Variants in LOXHD1 observed in about 807,000 individuals in gnomAD.
LOXHD1 encodes the protein lipoxygenase homology PLAT domains 1.
Under a neutral mutation model 248.2 loss-of-function variants are expected in LOXHD1, and 205 were observed. The ratio of observed to expected loss-of-function variants is 0.83; its 90% CI spans 0.74 to 0.93. The LOEUF is 0.93. Among genes scored for constraint, LOXHD1 ranks in the 40% least tolerant of loss-of-function variants. LOXHD1 has a pLI of 0.00. For synonymous variants in LOXHD1, 1,113 were observed against 1,162.8 expected (o/e 0.96, Z 0.87); for missense variants, 2,930 against 2,971.6 (o/e 0.99, Z 0.33).
Position 46,534,438 on chromosome 18 carries a change from C to A in LOXHD1, c.4109G>T (p.Gly1370Val). The A allele has an allele frequency of 6.4e-7, 1 of 1,551,346 alleles. No homozygotes were observed. The highest frequency in any genetic ancestry group is 8.7e-7 in the Non-Finnish European group (1 of 1,146,626). Residue 1370 changes from glycine to valine, a missense_variant, in exon 27 of 41, where the codon GGA becomes GTA. Coordinates refer to ENST00000642948, the MANE Select transcript of LOXHD1 (RefSeq NM_001384474.1). ...SRFIVELEDVGEIIEKIRIGH... is the reference protein window; with the variant it reads ...SRFIVELEDVVEIIEKIRIGH... ...AATCCGAATTTTTTCAATGATTTCT[C>A]CCACATCTTCTAACTTTGGAAAGGA...
intron 31 of LOXHD1, 119 bp downstream of exon 31, chr18:46,524,347 G>A: frequency 1.5e-6 from 2 of 1,362,430 alleles, no homozygotes; most frequent in Non-Finnish European, 2.0e-6. Context: ...CTATGTAAAT[G>A]ACTAAGTGTT....
At chr18:46,650,542 G>C (rs1233459333) in intron 1 of LOXHD1, among the ~76,000 whole-genome samples, 4 of 152,072 alleles carry the variant, frequency 2.6e-5, no homozygotes, top group Non-Finnish European at 5.9e-5. Context: ...TTCTACTTCC[G>C]GTCTTTTCAG....
chr18:46,551,023 A>G (rs953856804), intron 21 of LOXHD1, among the ~76,000 whole-genome samples: 7 of 152,034 alleles, frequency 4.6e-5, no homozygotes, highest in African/African-American at 2.4e-5. Context: ...ATTGAAAGCC[A>G]TTGTCTCCTC....
In LOXHD1 at chr18:46,601,903, C is replaced by G. The variant is rs141585678; in HGVS notation, c.884-436G>C. On this transcript the variant is annotated intron_variant, in intron 7 of 40. Coordinates refer to ENST00000642948, the MANE Select transcript of LOXHD1 (RefSeq NM_001384474.1). Reference sequence around the variant, plus strand: ...GATTTACGTTCAGGGCTATCTGATTCATTTCGCTTGCTCTTTTGCTGATAA... The same window carrying G: ...GATTTACGTTCAGGGCTATCTGATTGATTTCGCTTGCTCTTTTGCTGATAA... Among the ~76,000 whole-genome samples the G allele has an allele frequency of 3.9e-5, 6 of 152,304 alleles. No homozygotes were observed. The East Asian group carries it at 1.2e-3, about 29-fold the overall frequency.
intron 37 of LOXHD1, among the ~76,000 whole-genome samples, chr18:46,500,524 T>A (rs1055417482): frequency 5.9e-5 from 9 of 152,216 alleles, no homozygotes; most frequent in African/African-American, 2.2e-4. Context: ...CTCCCACCAA[T>A]TTCTTAATCA....
chr18:46,550,558 C>T (rs918549883), intron 21 of LOXHD1, among the ~76,000 whole-genome samples: 19 of 115,688 alleles, frequency 1.6e-4, no homozygotes, highest in Admixed American at 9.3e-4. Flanking sequence ...CCGGCCTGGG[C>T]GACAGAGCGA....
At chr18:46,589,520 A>C (rs921221162) in intron 12 of LOXHD1, among the ~76,000 whole-genome samples, 2 of 152,244 alleles carry the variant, frequency 1.3e-5, no homozygotes, top group African/African-American at 4.8e-5. Flanking sequence ...AAAGGCTCTT[A>C]AGGCTTAGTA....
At chr18:46,627,500 G>C (rs2144349146) in intron 4 of LOXHD1, among the ~76,000 whole-genome samples, 1 of 152,092 alleles carries the variant, frequency 6.6e-6, no homozygotes, top group East Asian at 1.9e-4. Context: ...CATGGAGAAA[G>C]TGCTATTTCC....
Position 46,524,808 on chromosome 18 carries a change from A to G in LOXHD1, c.4640T>C (p.Ile1547Thr), listed in dbSNP as rs539194160. The change falls in exon 30 of 41, where the codon ATC (isoleucine) becomes ACC (threonine). Residue 1547 changes from isoleucine (I) to threonine (T), a missense_variant. By Grantham distance (89) the Ile-to-Thr change is moderately conservative. Transcript: ENST00000642948. ...CTCGTCCTCGTTGGTGTCATTCCAG[A>G]TCTCCACCTTCTCCACGTACCAGTC... ...CADWYVEKVE[I>T]WNDTNEDEFL... The G allele has an allele frequency of 6.4e-7, 1 of 1,551,676 alleles. No individual in the cohort carries two copies. The highest frequency in any genetic ancestry group is 1.2e-5 in the South Asian group (1 of 84,058).
Position 46,601,283 on chromosome 18 carries a change from G to C in LOXHD1, c.1068C>G (p.Ser356Arg). 6.4e-7 allele frequency: 1 copy of C among 1,551,730 alleles called. No homozygotes were observed. The highest frequency in any genetic ancestry group is 8.7e-7 in the Non-Finnish European group (1 of 1,147,008). The change falls in exon 8 of 41, where the codon AGC becomes AGG. Residue 356 changes from serine to arginine, a missense_variant. Physicochemically the swap from Ser to Arg is moderately radical, Grantham distance 110. Transcript: ENST00000642948. ...IFHIELAVLL[S>R]PLSRVSVGHG... Reference sequence around the variant, plus strand: ...GCCCGACGGAGACCCGACTCAGGGGGCTAAGGAGGACAGCCAGCTCGATGT... The same window carrying C: ...GCCCGACGGAGACCCGACTCAGGGGCCTAAGGAGGACAGCCAGCTCGATGT...
At chr18:46,480,948 A>G (rs1463143466) in intron 40 of LOXHD1, among the ~76,000 whole-genome samples, 1 of 152,176 alleles carries the variant, frequency 6.6e-6, no homozygotes, top group Non-Finnish European at 1.5e-5. Flanking sequence ...TTTTTGTATG[A>G]CCTTTCACCC....
intron 39 of LOXHD1, among the ~76,000 whole-genome samples, chr18:46,484,093 A>G (rs79900558): frequency 0.062 from 9,432 of 152,126 alleles, 344 homozygotes; most frequent in Non-Finnish European, 0.071. Flanking sequence ...AGGTGGGAAC[A>G]GTGGGGTGTG....
At chr18:46,527,859 A>G (rs1167008994) in intron 29 of LOXHD1, among the ~76,000 whole-genome samples, 1 of 152,228 alleles carries the variant, frequency 6.6e-6, no homozygotes, top group African/African-American at 2.4e-5. Context: ...TCATATTACT[A>G]TTCCTGCTTC....
rs2038937067 is a variant in LOXHD1, at chr18:46,639,602, G to C, written c.511+14C>G. 1 of 1,547,918 alleles carries C rather than the reference G, an allele frequency of 6.5e-7. No homozygotes were observed. Among genetic ancestry groups the C allele is most frequent in the Non-Finnish European group, 8.7e-7 (1 of 1,144,568 alleles). On this transcript the variant is annotated intron_variant, in intron 4 of 40. Transcript: ENST00000642948. ...CTAGGGAGGGATGGCAGGCAGGCCA[G>C]CCTAGGCACTGACCTCTGGGCATGT...
chr18:46,631,870 C>T (rs1318277766), intron 4 of LOXHD1, among the ~76,000 whole-genome samples: 1 of 152,206 alleles, frequency 6.6e-6, no homozygotes, highest in Non-Finnish European at 1.5e-5. Context: ...CAGATTAGCA[C>T]AGGGTGTCTA....
At chr18:46,495,347 A>G (rs868388925) in intron 37 of LOXHD1, among the ~76,000 whole-genome samples, 1 of 152,238 alleles carries the variant, frequency 6.6e-6, no homozygotes, top group Non-Finnish European at 1.5e-5. Context: ...TTCCTCTATG[A>G]ACTATATTTT....
chr18:46,550,417 C>CA (rs1339258581), intron 21 of LOXHD1, among the ~76,000 whole-genome samples: 18 of 150,960 alleles, frequency 1.2e-4, no homozygotes, highest in Non-Finnish European at 2.2e-4. Context: ...ACTAAAAATA[C>CA]AAAAAATTAG....
At chr18:46,618,101 C>T in intron 5 of LOXHD1, 91 bp downstream of exon 5, 2 of 936,938 alleles carry the variant, frequency 2.1e-6, no homozygotes, top group South Asian at 1.6e-5. Context: ...AAGTGGGGCT[C>T]AAGCTGCCTT....
At chr18:46,635,019 G>T (rs1166220227) in intron 4 of LOXHD1, among the ~76,000 whole-genome samples, 1 of 152,038 alleles carries the variant, frequency 6.6e-6, no homozygotes, top group African/African-American at 2.4e-5. Context: ...CCCTTCCTCT[G>T]TGCTAATGGT....
Sources: gnomAD v4.1 joint callset for allele counts (sites outside exome capture counted in the v4.1 genomes callset) on GRCh38, gnomAD v4.1.1 for gene constraint, MANE v1.5 for transcripts, NCBI Gene and HGNC (gene_info 2026-07-23, HGNC 2026-07-21) for gene names.